CCPG1: variants seen among roughly 807,000 people sequenced by gnomAD.
CCPG1 encodes the protein cell cycle progression 1.
A neutral mutation model predicts 81.3 loss-of-function variants in CCPG1; 46 were observed. The observed-to-expected ratio is 0.57, with a 90% confidence interval of 0.45 to 0.72. CCPG1 has a LOEUF of 0.72. CCPG1 is among the 30% of genes least tolerant of loss of function. The probability of loss-of-function intolerance (pLI) is 0.00; values close to 1 mark genes in which losing one functional copy is unlikely to be tolerated. For missense variants in CCPG1, 902 were observed against 937.6 expected (o/e 0.96, Z 0.50); for synonymous variants, 330 against 305.2 (o/e 1.08, Z -0.85).
chr15:55,355,504 G>C lies in CCPG1; in HGVS notation c.*716C>G. On this transcript the variant is annotated 3_prime_UTR_variant, in exon 9 of 9. Coordinates refer to ENST00000442196, the MANE Select transcript of CCPG1 (RefSeq NM_001204450.2). ...TGCTTAAATACTTCGGTAAACACTG[G>C]GTAAGATTCATGGAACTTAGAAAAA... is the stretch of plus-strand genomic sequence containing the variant. The C allele has an allele frequency of 1.6e-6, 2 of 1,244,008 alleles. No homozygotes were observed. The highest frequency in any genetic ancestry group is 2.3e-6 in the Non-Finnish European group (2 of 888,372). 77.1% of individuals were successfully genotyped at this position (1,244,008 alleles called of 1,614,324 possible). A position where few individuals can be genotyped will look rare whatever the true frequency, so the allele number is the denominator to read the frequency against.
At chr15:55,378,787 G>C (rs1403166494) in intron 3 of CCPG1, among the ~76,000 whole-genome samples, 1 of 152,004 alleles carries the variant, frequency 6.6e-6, no homozygotes, top group Non-Finnish European at 1.5e-5. Context: ...ACTAGAGATA[G>C]GGTTTTACCA....
At position 55,360,048 on chromosome 15, in the gene CCPG1, C is replaced by T; in HGVS notation, c.1725G>A (p.Lys575=). Residue 575 remains lysine, a synonymous_variant, in exon 8 of 9, where the codon AAG becomes AAA. Transcript: ENST00000442196. ...TATTATGATGGTTTTCTGTAGGTGC[C>T]TTATACTGTGGATGTAAATAGTCAC... ...VFSDYLHPQY[K]APTENHHNRG... 1 of 1,613,674 alleles carries T rather than the reference C, an allele frequency of 6.2e-7. No homozygotes were observed. The highest frequency in any genetic ancestry group is 8.5e-7 in the Non-Finnish European group (1 of 1,179,966).
intron 3 of CCPG1, among the ~76,000 whole-genome samples, chr15:55,384,224 G>A (rs550033547): frequency 1.6e-4 from 24 of 152,296 alleles, no homozygotes; most frequent in South Asian, 1.4e-3. Flanking sequence ...CAGTAGAGCA[G>A]TCAGAACACA....
intron 3 of CCPG1, among the ~76,000 whole-genome samples, chr15:55,383,531 G>T (rs2056742283): frequency 1.3e-5 from 2 of 152,192 alleles, no homozygotes; most frequent in African/African-American, 4.8e-5. Flanking sequence ...CTGTAGTTAG[G>T]AAAGTCCTAG....
intron 6 of CCPG1, among the ~76,000 whole-genome samples, chr15:55,370,114 A>G (rs2056416977): frequency 6.6e-6 from 1 of 152,222 alleles, no homozygotes; most frequent in South Asian, 2.1e-4. Context: ...ATCTAAATAC[A>G]TATTTTTATT....
chr15:55,365,290 C>T lies in CCPG1; in HGVS notation c.726G>A (p.Lys242=), dbSNP rs773237730. 6.5e-7 allele frequency: 1 copy of T among 1,533,774 alleles called. No individual in the cohort carries two copies. The highest frequency in any genetic ancestry group is 8.9e-7 in the Non-Finnish European group (1 of 1,120,988). ...GTATCTTTCTGACTAACTGTTGACGCTTCTGAATCTGAATTGTGCCTAAAA... is the reference window on the plus strand; with the variant it reads ...GTATCTTTCTGACTAACTGTTGACGTTTCTGAATCTGAATTGTGCCTAAAA... The part of the protein sequence containing the change: ...GHFYGTIQIQ[K]RQQLVRKIHE... Residue 242 remains lysine, a synonymous_variant, in exon 7 of 9, where the codon AAG becomes AAA. Transcript: ENST00000442196.
intron 1 of CCPG1, among the ~76,000 whole-genome samples, chr15:55,400,216 A>AG (rs1468710612): frequency 1.3e-5 from 2 of 149,008 alleles, no homozygotes; most frequent in African/African-American, 5.0e-5. Flanking sequence ...AAAAAAAAAA[A>AG]AAAAAAAAAA....
At chr15:55,402,074 C>CTGAAA (rs1208440904) in intron 1 of CCPG1, among the ~76,000 whole-genome samples, 1 of 152,196 alleles carries the variant, frequency 6.6e-6, no homozygotes, top group Non-Finnish European at 1.5e-5. Flanking sequence ...ATTTCATTTT[C>CTGAAA]CCCTGAATCT....
chr15:55,399,417 C>CAAAAAA (rs56191750), intron 1 of CCPG1, among the ~76,000 whole-genome samples: 21 of 63,130 alleles, frequency 3.3e-4, no homozygotes, highest in Non-Finnish European at 4.5e-4. Context: ...ACTAAAAATA[C>CAAAAAA]AAAAAAAAAA....
At chr15:55,357,505 C>CTGTG in intron 8 of CCPG1, 1 of 790,342 alleles carries the variant, frequency 1.3e-6, no homozygotes, top group Non-Finnish European at 1.5e-6. Flanking sequence ...TTTCCGTTAC[C>CTGTG]TGTGGTCAAC....
chr15:55,372,827 T>C (rs1277602649), intron 5 of CCPG1: 1 of 409,696 alleles, frequency 2.4e-6, no homozygotes, highest in African/African-American at 2.1e-5. Context: ...TAAAGTAAAA[T>C]AACTACCAAA....
intron 3 of CCPG1, among the ~76,000 whole-genome samples, chr15:55,383,645 T>C (rs576698814): frequency 1.3e-5 from 2 of 152,362 alleles, no homozygotes; most frequent in African/African-American, 4.8e-5. Context: ...CTGGATAACT[T>C]GGTGCGCCTT....
chr15:55,382,572 C>G (rs1595848195), intron 3 of CCPG1, among the ~76,000 whole-genome samples: 1 of 150,374 alleles, frequency 6.7e-6, no homozygotes, highest in East Asian at 2.0e-4. Flanking sequence ...TGCAGTGGCG[C>G]GATCTTGGCT....
Position 55,388,757 on chromosome 15 carries a change from C to G in CCPG1, c.60+608G>C, listed in dbSNP as rs138530309. On this transcript the variant is annotated intron_variant, in intron 2 of 8. Coordinates refer to ENST00000442196, the MANE Select transcript of CCPG1 (RefSeq NM_001204450.2). ...CTAGCCTGGGCAACAGAGCAAGATC[C>G]TGTCCCTTTAAAAAAAAAAAAAGAC... 1.4e-3 allele frequency among the ~76,000 whole-genome samples: 200 copies of G among 145,922 alleles called. 2 individuals are homozygous for G. Among genetic ancestry groups the G allele is most frequent in the African/African-American group, 4.7e-3 (192 of 41,004 alleles).
chr15:55,366,391 T>C (rs1288834359), intron 6 of CCPG1, among the ~76,000 whole-genome samples: 1 of 152,044 alleles, frequency 6.6e-6, no homozygotes, highest in Non-Finnish European at 1.5e-5. Context: ...CTAATGGTGA[T>C]TGTGCACCAT....
intron 1 of CCPG1, among the ~76,000 whole-genome samples, chr15:55,392,924 G>A (rs1223937677): frequency 1.3e-5 from 2 of 152,070 alleles, no homozygotes; most frequent in Non-Finnish European, 2.9e-5. Flanking sequence ...CAAAGATGAT[G>A]AAACCCTGTC....
chr15:55,389,068 C>CAAAAAAAAA (rs373917631), intron 2 of CCPG1, among the ~76,000 whole-genome samples: 1,382 of 56,180 alleles, frequency 0.025, 170 homozygotes, highest in Non-Finnish European at 0.038. Flanking sequence ...GACTCTGTCT[C>CAAAAAAAAA]AAAAAAAAAA....
At chr15:55,400,571 A>AAG (rs1450046482) in intron 1 of CCPG1, among the ~76,000 whole-genome samples, 9 of 131,242 alleles carry the variant, frequency 6.9e-5, no homozygotes, top group Non-Finnish European at 1.5e-4. Flanking sequence ...ACAAAAACAA[A>AAG]ACAAAACAAA....
At chr15:55,359,279 T>C in intron 8 of CCPG1, 3 of 1,143,252 alleles carry the variant, frequency 2.6e-6, no homozygotes, top group Non-Finnish European at 3.2e-6. Flanking sequence ...TAGGATTTTA[T>C]ATATTCTTAA....
Sources: allele counts gnomAD v4.1 joint callset (sites outside exome capture counted in the v4.1 genomes callset), GRCh38; gene constraint gnomAD v4.1.1; transcripts MANE v1.5; gene names NCBI Gene and HGNC (gene_info 2026-07-23, HGNC 2026-07-21).